Variants in NRXN3 observed in about 807,000 individuals in gnomAD.
NRXN3 encodes neurexin III.
In NRXN3, 32 loss-of-function variants were observed where a neutral mutation model predicts 137.6. The ratio of observed to expected loss-of-function variants is 0.23; its 90% CI spans 0.18 to 0.31. The LOEUF is 0.31. Among genes scored for constraint, NRXN3 ranks in the 10% least tolerant of loss-of-function variants. NRXN3 has a pLI of 1.00. For synonymous variants in NRXN3, 798 were observed against 784.5 expected (o/e 1.02, Z -0.29); for missense variants, 1,574 against 2,062.5 (o/e 0.76, Z 4.59).
intron 15 of NRXN3, among the ~76,000 whole-genome samples, chr14:79,150,458 A>C (rs1302533394): frequency 1.3e-5 from 2 of 151,950 alleles, no homozygotes; most frequent in Non-Finnish European, 2.9e-5. Flanking sequence ...GATGTGACTA[A>C]CACCCTCAGC....
chr14:78,488,063 C>A (rs1022347303), intron 4 of NRXN3, among the ~76,000 whole-genome samples: 2 of 152,100 alleles, frequency 1.3e-5, no homozygotes, highest in South Asian at 2.1e-4. Context: ...TCTCCAAAGG[C>A]CATTCTCTTT....
chr14:79,370,271 C>G (rs953857195), intron 15 of NRXN3, among the ~76,000 whole-genome samples: 1 of 151,608 alleles, frequency 6.6e-6, no homozygotes, highest in Non-Finnish European at 1.5e-5. Context: ...ATAGAACAAC[C>G]AGCTAAAGTT....
At chr14:78,982,379 G>A (rs1372707157) in intron 14 of NRXN3, among the ~76,000 whole-genome samples, 8 of 152,232 alleles carry the variant, frequency 5.3e-5, no homozygotes, top group East Asian at 1.9e-4. Context: ...CTGCCCTTGA[G>A]AGGCTTACGG....
At chr14:78,487,889 C>T (rs1344626316) in intron 4 of NRXN3, among the ~76,000 whole-genome samples, 2 of 151,924 alleles carry the variant, frequency 1.3e-5, no homozygotes, top group African/African-American at 2.4e-5. Flanking sequence ...CAGGTAAATA[C>T]TTGTATTTAC....
At chr14:79,667,983 A>G (rs564738543) in intron 17 of NRXN3, among the ~76,000 whole-genome samples, 3 of 152,092 alleles carry the variant, frequency 2.0e-5, no homozygotes, top group Admixed American at 6.5e-5. Context: ...GGTCCTATCT[A>G]GGCTTCCTGG....
At chr14:79,594,156 T>C (rs2097839709) in intron 16 of NRXN3, among the ~76,000 whole-genome samples, 1 of 152,212 alleles carries the variant, frequency 6.6e-6, no homozygotes, top group African/African-American at 2.4e-5. Flanking sequence ...TGTTGAAAAG[T>C]GAAACATCCT....
At chr14:78,855,038 C>T (rs1048185751) in intron 10 of NRXN3, among the ~76,000 whole-genome samples, 14 of 152,008 alleles carry the variant, frequency 9.2e-5, no homozygotes, top group African/African-American at 3.4e-4. Context: ...GTGGCACACA[C>T]CTGTAGTCCC....
At chr14:78,792,191 A>T (rs74447693) in intron 8 of NRXN3, among the ~76,000 whole-genome samples, 1 of 123,208 alleles carries the variant, frequency 8.1e-6, no homozygotes, top group Non-Finnish European at 1.7e-5. Context: ...AATTCATGTC[A>T]CAAGAACTCA....
chr14:79,234,035 A>G (rs1232083407), intron 15 of NRXN3, among the ~76,000 whole-genome samples: 1 of 151,532 alleles, frequency 6.6e-6, no homozygotes, highest in Non-Finnish European at 1.5e-5. Context: ...AGGAAATAGC[A>G]CTTTCACCTC....
intron 19 of NRXN3, among the ~76,000 whole-genome samples, chr14:79,724,152 C>G (rs143563152): frequency 6.6e-6 from 1 of 152,100 alleles, no homozygotes; most frequent in Non-Finnish European, 1.5e-5. Context: ...ACTTACTAAG[C>G]CTGCTCAGCT....
intron 8 of NRXN3, among the ~76,000 whole-genome samples, chr14:78,758,742 C>A (rs1264829395): frequency 6.6e-6 from 1 of 152,162 alleles, no homozygotes; most frequent in African/African-American, 2.4e-5. Flanking sequence ...TCCCCTTATA[C>A]CTCTAGGGTT....
intron 19 of NRXN3, among the ~76,000 whole-genome samples, chr14:79,795,566 T>A (rs909438551): frequency 2.6e-5 from 4 of 152,180 alleles, no homozygotes; most frequent in Non-Finnish European, 5.9e-5. Flanking sequence ...TCCTTCATAG[T>A]TCTGTCTCAA....
Position 79,163,700 on chromosome 14 carries a change from ACTGT to A in NRXN3, c.3262+175564_3262+175567del, listed in dbSNP as rs200206007. Among the ~76,000 whole-genome samples the A allele has an allele frequency of 9.5e-3, 1,440 of 152,056 alleles. 15 individuals carry two copies. Among genetic ancestry groups the A allele is most frequent in the Non-Finnish European group, 0.014 (972 of 67,920 alleles). On this transcript the variant is annotated intron_variant, in intron 15 of 20. Coordinates refer to ENST00000335750, the MANE Select transcript of NRXN3 (RefSeq NM_001330195.2). Reference sequence around the variant, plus strand: ...GCTGTGTGAATATTATAACTGAATTACTGTCTGTTTGCTTAACTCATTACAGAAA... The same window carrying A: ...GCTGTGTGAATATTATAACTGAATTACTGTTTGCTTAACTCATTACAGAAA...
chr14:78,433,754 G>T (rs7157498), intron 4 of NRXN3, among the ~76,000 whole-genome samples: 151,801 of 152,236 alleles, frequency 1, 75,685 homozygotes, highest in Non-Finnish European at 1. Flanking sequence ...TTCCAGAAAC[G>T]GTAAGAAATA....
At chr14:79,326,627 T>G (rs1373124452) in intron 15 of NRXN3, among the ~76,000 whole-genome samples, 1 of 152,194 alleles carries the variant, frequency 6.6e-6, no homozygotes, top group Admixed American at 6.5e-5. Context: ...CTTGGTCCGT[T>G]TCTGTCTCTT....
chr14:78,402,558 C>A (rs1421360380), intron 4 of NRXN3, among the ~76,000 whole-genome samples: 2 of 152,148 alleles, frequency 1.3e-5, no homozygotes, highest in Non-Finnish European at 2.9e-5. Flanking sequence ...AAAGTGGAAT[C>A]ACACATAAAT....
At chr14:79,211,516 A>G (rs1466651789) in intron 15 of NRXN3, among the ~76,000 whole-genome samples, 1 of 152,158 alleles carries the variant, frequency 6.6e-6, no homozygotes, top group Non-Finnish European at 1.5e-5. Context: ...GTGAAGTATT[A>G]TTATTATTCC....
intron 8 of NRXN3, among the ~76,000 whole-genome samples, chr14:78,777,700 T>C (rs1324686639): frequency 6.6e-6 from 1 of 152,152 alleles, no homozygotes; most frequent in Non-Finnish European, 1.5e-5. Context: ...TACTCACCAT[T>C]TAACAAAAAA....
intron 4 of NRXN3, among the ~76,000 whole-genome samples, chr14:78,450,356 G>A (rs563678779): frequency 1.3e-4 from 20 of 152,346 alleles, no homozygotes; most frequent in African/African-American, 3.8e-4. Context: ...GGTTTGGGAT[G>A]TGTTTGTGCA....
Sources: gnomAD v4.1 joint callset for allele counts (sites outside exome capture counted in the v4.1 genomes callset) on GRCh38, gnomAD v4.1.1 for gene constraint, MANE v1.5 for transcripts, NCBI Gene and HGNC (gene_info 2026-07-23, HGNC 2026-07-21) for gene names.